Variants in ZNF516 observed in about 807,000 individuals in gnomAD.
ZNF516 encodes zinc finger protein 516.
In ZNF516, 19 loss-of-function variants were observed where a neutral mutation model predicts 79.7. That is an observed-to-expected ratio of 0.24 (90% confidence interval 0.17 to 0.35). ZNF516 has a LOEUF of 0.35. Ranked by LOEUF, ZNF516 falls within the 10% of genes least tolerant of loss-of-function variation. The probability of loss-of-function intolerance (pLI) is 1.00; values close to 1 mark genes in which losing one functional copy is unlikely to be tolerated. For missense variants in ZNF516, 1,678 were observed against 1,679.5 expected (o/e 1.00, Z 0.02); for synonymous variants, 877 against 739.5 (o/e 1.19, Z -3.02).
At chr18:76,375,623 G>T (rs2074774897) in intron 4 of ZNF516, among the ~76,000 whole-genome samples, 1 of 148,480 alleles carries the variant, frequency 6.7e-6, no homozygotes, top group African/African-American at 2.5e-5. Flanking sequence ...CCTGTCCTGG[G>T]AGACCTGGGA....
rs751621111 is a variant in ZNF516 at position 76,379,302 on chromosome 18, G to A, written c.2812C>T (p.Arg938Trp). The change falls in exon 4 of 7, where the codon CGG becomes TGG. Residue 938 changes from arginine to tryptophan, a missense_variant. By Grantham distance (101) the Arg-to-Trp change is moderately radical (BLOSUM62 -3). This residue lies in a region of ZNF516 where 1,294 missense variants were observed against 1,248.3 expected (regional missense o/e 1.04). Transcript: ENST00000443185. ...SATPTPTVIA[R>W]AGAQPSANSK... Reference sequence around the variant, plus strand: ...TTGGCCGAGGGCTGCGCGCCAGCCCGGGCGATGACGGTGGGCGTAGGGGTG... The same window carrying A: ...TTGGCCGAGGGCTGCGCGCCAGCCCAGGCGATGACGGTGGGCGTAGGGGTG... 1.7e-5 allele frequency: 28 copies of A among 1,607,130 alleles called. No homozygotes were observed. Among genetic ancestry groups the A allele is most frequent in the Middle Eastern group, 1.7e-4 (1 of 6,048 alleles).
intron 1 of ZNF516, among the ~76,000 whole-genome samples, chr18:76,473,036 A>T (rs945509857): frequency 2.6e-5 from 4 of 152,236 alleles, no homozygotes; most frequent in Admixed American, 2.6e-4. Flanking sequence ...GGGGAAGTCA[A>T]ATTGTATTAC....
At chr18:76,430,048 C>T (rs149971421) in intron 3 of ZNF516, among the ~76,000 whole-genome samples, 2 of 152,288 alleles carry the variant, frequency 1.3e-5, no homozygotes, top group African/African-American at 4.8e-5. Flanking sequence ...CTTCCAATTG[C>T]TTTTTTCATA....
At chr18:76,373,969 G>A (rs2074747471) in intron 4 of ZNF516, among the ~76,000 whole-genome samples, 1 of 152,248 alleles carries the variant, frequency 6.6e-6, no homozygotes, top group South Asian at 2.1e-4. Flanking sequence ...TGTTTGGAAA[G>A]TGGACTTAAC....
At chr18:76,401,449 G>A (rs183240380) in intron 3 of ZNF516, among the ~76,000 whole-genome samples, 1 of 152,122 alleles carries the variant, frequency 6.6e-6, no homozygotes, top group East Asian at 1.9e-4. Flanking sequence ...TGGAGCCCTG[G>A]ATCTATGAAT....
chr18:76,416,041 A>G (rs761065798), intron 3 of ZNF516, among the ~76,000 whole-genome samples: 1 of 152,250 alleles, frequency 6.6e-6, no homozygotes. Flanking sequence ...TTCTAACAAT[A>G]CATCCTCCTG....
intron 3 of ZNF516, among the ~76,000 whole-genome samples, chr18:76,428,460 C>A (rs1308711098): frequency 6.6e-6 from 1 of 151,632 alleles, no homozygotes; most frequent in Non-Finnish European, 1.5e-5. Flanking sequence ...ATGTTTACTG[C>A]AGCATGTTTA....
rs1284347347 is a variant in ZNF516, at chr18:76,361,316, T to C, written c.*1182A>G. 2 of 152,244 alleles carry C rather than the reference T, an allele frequency of 1.3e-5. No homozygotes were observed. Among genetic ancestry groups the C allele is most frequent in the Non-Finnish European group, 2.9e-5 (2 of 68,038 alleles). The allele number at this position is 152,244 out of a possible 1,614,324, so 9.4% of individuals were successfully genotyped here. On this transcript the variant is annotated 3_prime_UTR_variant, in exon 7 of 7. Transcript: ENST00000443185. ...CGTACACTGCATGGTTTAAGATCCT[T>C]TGTTATGGGCCTTAACCCCCACCAC... is the stretch of plus-strand genomic sequence containing the variant.
intron 3 of ZNF516, among the ~76,000 whole-genome samples, chr18:76,395,294 C>T (rs1365556327): frequency 6.6e-6 from 1 of 152,206 alleles, no homozygotes; most frequent in Non-Finnish European, 1.5e-5. Flanking sequence ...CGAGCATCTC[C>T]CAGACACCAA....
At chr18:76,390,904 C>A (rs7233592) in intron 3 of ZNF516, among the ~76,000 whole-genome samples, 66,605 of 151,904 alleles carry the variant, frequency 0.44, 14,604 homozygotes, top group East Asian at 0.49. Flanking sequence ...GATACGAAAC[C>A]TGAGGCACAA....
chr18:76,405,720 T>G (rs993687530), intron 3 of ZNF516, among the ~76,000 whole-genome samples: 1 of 152,010 alleles, frequency 6.6e-6, no homozygotes, highest in African/African-American at 2.4e-5. Context: ...ACGCCCCCGG[T>G]TGGTGACTCC....
Position 76,441,540 on chromosome 18 carries a change from G to C in ZNF516, c.1515C>G (p.Ala505=). 6.4e-7 allele frequency: 1 copy of C among 1,562,342 alleles called. No individual in the cohort carries two copies. The highest frequency in any genetic ancestry group is 2.4e-5 in the East Asian group (1 of 41,044). ...PRSAARPNRR[A]AATTGQGKSS... ...ACTTGCCCTGGCCGGTGGTGGCTGC[G>C]GCCCTGCGGTTGGGGCGCGCGGCCG... The change falls in exon 3 of 7, where the codon GCC becomes GCG. Residue 505 remains alanine (A), a synonymous_variant. Coordinates refer to ENST00000443185, the MANE Select transcript of ZNF516 (RefSeq NM_014643.4).
intron 3 of ZNF516, among the ~76,000 whole-genome samples, chr18:76,404,102 C>A (rs935637672): frequency 6.6e-6 from 1 of 152,230 alleles, no homozygotes; most frequent in Non-Finnish European, 1.5e-5. Flanking sequence ...CTCCAACACC[C>A]CTGGGGACTT....
At chr18:76,385,980 TC>T (rs1239214524) in intron 3 of ZNF516, 1 of 152,276 alleles carries the variant, frequency 6.6e-6, no homozygotes, top group African/African-American at 2.4e-5. Context: ...CTGAAACGCA[TC>T]CCCATGCTCT....
intron 1 of ZNF516, among the ~76,000 whole-genome samples, chr18:76,473,312 C>G (rs1479918424): frequency 7.7e-6 from 1 of 130,146 alleles, no homozygotes; most frequent in African/African-American, 3.0e-5. Flanking sequence ...TAAAAAAAGA[C>G]TCCATGATAG....
chr18:76,387,349 T>C (rs915191919), intron 3 of ZNF516: 2 of 152,220 alleles, frequency 1.3e-5, no homozygotes, highest in Non-Finnish European at 2.9e-5. Flanking sequence ...CAATACATTG[T>C]ATGTTTGCAG....
intron 1 of ZNF516, among the ~76,000 whole-genome samples, chr18:76,485,305 A>G (rs1371532975): frequency 2.6e-5 from 4 of 152,248 alleles, no homozygotes; most frequent in Non-Finnish European, 5.9e-5. Context: ...ATGATTATCA[A>G]TGTGAATGAT....
intron 3 of ZNF516, among the ~76,000 whole-genome samples, chr18:76,431,495 G>C (rs1363162446): frequency 6.6e-6 from 1 of 152,232 alleles, no homozygotes; most frequent in African/African-American, 2.4e-5. Flanking sequence ...TGCCCGGCAT[G>C]ACGGGGCTTG....
chr18:76,429,523 G>A (rs1390764310), intron 3 of ZNF516, among the ~76,000 whole-genome samples: 1 of 152,140 alleles, frequency 6.6e-6, no homozygotes. Context: ...TGCCCACAGT[G>A]AAGGAAGACG....
Sources: gnomAD v4.1 joint callset for allele counts (sites outside exome capture counted in the v4.1 genomes callset) on GRCh38, gnomAD v4.1.1 for gene constraint, gnomAD v4.1.1 regional missense constraint, MANE v1.5 for transcripts, NCBI Gene and HGNC (gene_info 2026-07-23, HGNC 2026-07-21) for gene names.